MAP4K4: variants seen among roughly 807,000 people sequenced by gnomAD.
MAP4K4 encodes mitogen-activated protein kinase kinase kinase kinase 4.
MAP4K4 carries 38 observed loss-of-function variants against 189.6 expected under a neutral mutation model. The ratio of observed to expected loss-of-function variants is 0.20; its 90% CI spans 0.15 to 0.26. The LOEUF (loss-of-function observed/expected upper bound fraction) is 0.26. Among genes scored for constraint, MAP4K4 ranks in the 10% least tolerant of loss-of-function variants. MAP4K4 has a pLI of 1.00. For synonymous variants in MAP4K4, 610 were observed against 624.3 expected (o/e 0.98, Z 0.34); for missense variants, 1,054 against 1,726.9 (o/e 0.61, Z 6.91).
At chr2:101,881,664 A>G (rs2098395490) in intron 27 of MAP4K4, among the ~76,000 whole-genome samples, 2 of 152,156 alleles carry the variant, frequency 1.3e-5, no homozygotes, top group Admixed American at 1.3e-4. Context: ...GTAAGGTTTT[A>G]TGGTAGATGT....
chr2:101,722,570 G>A (rs758342809), intron 2 of MAP4K4, among the ~76,000 whole-genome samples: 16 of 152,162 alleles, frequency 1.1e-4, no homozygotes, highest in Non-Finnish European at 1.9e-4. Context: ...AAGATCATGA[G>A]TTACAGTTGA....
At chr2:101,760,792 T>C (rs1201102215) in intron 2 of MAP4K4, among the ~76,000 whole-genome samples, 1 of 151,944 alleles carries the variant, frequency 6.6e-6, no homozygotes, top group Non-Finnish European at 1.5e-5. Flanking sequence ...TCACCTGAGG[T>C]TGGGAGTTGG....
Position 101,870,201 on chromosome 2 carries a change from C to T in MAP4K4, c.2640-94C>T, listed in dbSNP as rs181964032. 6.9e-4 allele frequency: 903 copies of T among 1,316,998 alleles called. 1 individual carries two copies. Among genetic ancestry groups the T allele is most frequent in the Non-Finnish European group, 7.8e-4 (740 of 951,120 alleles). The allele number at this position is 1,316,998 out of a possible 1,614,324, so 81.6% of individuals were successfully genotyped here. ...GGAGGCTTTATATCGGTAGCCTCAT[C>T]TCATGTTTTGATTTTGAGAAGGCGA... On this transcript the variant is annotated intron_variant, in intron 22 of 32. Transcript: ENST00000324219.
chr2:101,827,870 T>G (rs2096433215), intron 5 of MAP4K4, among the ~76,000 whole-genome samples: 1 of 152,332 alleles, frequency 6.6e-6, no homozygotes, highest in South Asian at 2.1e-4. Context: ...GAAAAATGTT[T>G]CCTAGTTCAG....
At chr2:101,879,115 T>C (rs1212851030) in intron 27 of MAP4K4, among the ~76,000 whole-genome samples, 1 of 150,360 alleles carries the variant, frequency 6.7e-6, no homozygotes, top group Non-Finnish European at 1.5e-5. Context: ...GGATTGCTTT[T>C]GCCTGGGATA....
intron 2 of MAP4K4, among the ~76,000 whole-genome samples, chr2:101,738,154 G>C (rs764897970): frequency 2.8e-4 from 42 of 152,122 alleles, no homozygotes; most frequent in Non-Finnish European, 7.4e-5. Context: ...AGAAGAGAAA[G>C]CCCCTTGTAC....
At chr2:101,866,198 A>T (rs1245461432) in intron 18 of MAP4K4, among the ~76,000 whole-genome samples, 1 of 152,228 alleles carries the variant, frequency 6.6e-6, no homozygotes, top group Non-Finnish European at 1.5e-5. Flanking sequence ...ATGATTTTAG[A>T]TCTACTAATG....
At chr2:101,848,254 A>G (rs1313449465) in intron 12 of MAP4K4, among the ~76,000 whole-genome samples, 3 of 152,210 alleles carry the variant, frequency 2.0e-5, no homozygotes, top group African/African-American at 4.8e-5. Flanking sequence ...CTGTTACACT[A>G]TATTATTTAG....
At chr2:101,870,020 T>A in intron 22 of MAP4K4, 1 of 644,980 alleles carries the variant, frequency 1.6e-6, no homozygotes, top group Admixed American at 3.3e-5. Flanking sequence ...ATTTTTTCCT[T>A]TTGATTTGAG....
chr2:101,740,542 T>G (rs912408181), intron 2 of MAP4K4, among the ~76,000 whole-genome samples: 1 of 152,204 alleles, frequency 6.6e-6, no homozygotes, highest in African/African-American at 2.4e-5. Flanking sequence ...TATATAAATC[T>G]GGAATCCTAC....
chr2:101,756,709 C>G (rs933964708), intron 2 of MAP4K4, among the ~76,000 whole-genome samples: 5 of 151,332 alleles, frequency 3.3e-5, no homozygotes, highest in African/African-American at 9.7e-5. Flanking sequence ...CGCGCATCAC[C>G]ATGCCCAGCT....
chr2:101,786,900 G>A (rs546016840), intron 2 of MAP4K4, among the ~76,000 whole-genome samples: 50 of 152,280 alleles, frequency 3.3e-4, no homozygotes, highest in Non-Finnish European at 4.7e-4. Flanking sequence ...TAATGTTTAC[G>A]TGGTACTGTG....
intron 2 of MAP4K4, among the ~76,000 whole-genome samples, chr2:101,755,903 CTTTA>C (rs1175807257): frequency 1.8e-5 from 2 of 110,032 alleles, no homozygotes; most frequent in African/African-American, 6.4e-5. Flanking sequence ...TGCGGGGAAA[CTTTA>C]TTTATAGTAT....
intron 2 of MAP4K4, among the ~76,000 whole-genome samples, chr2:101,779,701 G>GCTTTGGA (rs886443656): frequency 2.6e-5 from 4 of 152,036 alleles, no homozygotes; most frequent in African/African-American, 7.2e-5. Context: ...GAGTGCTCTG[G>GCTTTGGA]CTTTGGAAAC....
chr2:101,796,465 A>G (rs2093704356), intron 3 of MAP4K4, among the ~76,000 whole-genome samples: 1 of 152,214 alleles, frequency 6.6e-6, no homozygotes, highest in Non-Finnish European at 1.5e-5. Context: ...CTTCTTGCTC[A>G]GGAGTACATT....
At chr2:101,774,785 A>G (rs2083151715) in intron 2 of MAP4K4, among the ~76,000 whole-genome samples, 1 of 152,132 alleles carries the variant, frequency 6.6e-6, no homozygotes, top group Admixed American at 6.6e-5. Flanking sequence ...ATCACCCCAA[A>G]AGCCCCTCTC....
At chr2:101,769,590 T>C (rs559665083) in intron 2 of MAP4K4, among the ~76,000 whole-genome samples, 1 of 145,298 alleles carries the variant, frequency 6.9e-6, no homozygotes, top group African/African-American at 2.5e-5. Context: ...TGTCTTTTTC[T>C]TTTTTTTTTT....
intron 2 of MAP4K4, among the ~76,000 whole-genome samples, chr2:101,713,402 C>T (rs2149338817): frequency 6.6e-6 from 1 of 151,684 alleles, no homozygotes; most frequent in South Asian, 2.1e-4. Context: ...CAAGACCAGG[C>T]TGGCCAAATG....
chr2:101,733,733 C>G (rs2059369663), intron 2 of MAP4K4, among the ~76,000 whole-genome samples: 1 of 152,210 alleles, frequency 6.6e-6, no homozygotes, highest in Admixed American at 6.5e-5. Context: ...CAGGTAGCCT[C>G]GTGTAGTGCC....
Sources: allele counts gnomAD v4.1 joint callset (sites outside exome capture counted in the v4.1 genomes callset), GRCh38; gene constraint gnomAD v4.1.1; transcripts MANE v1.5; gene names NCBI Gene and HGNC (gene_info 2026-07-23, HGNC 2026-07-21).